FGF14: variants seen among roughly 807,000 people sequenced by gnomAD.
FGF14 encodes the protein fibroblast growth factor 14.
Under a neutral mutation model 25.5 loss-of-function variants are expected in FGF14, and 5 were observed. The observed-to-expected ratio is 0.20, with a 90% CI of 0.10 to 0.41. The LOEUF is 0.41. Among genes scored for constraint, FGF14 ranks in the 10% least tolerant of loss-of-function variants. The probability of loss-of-function intolerance (pLI) is 1.00; values close to 1 mark genes in which losing one functional copy is unlikely to be tolerated. For missense variants in FGF14, 222 were observed against 320.1 expected (o/e 0.69, Z 2.34); for synonymous variants, 138 against 118.3 (o/e 1.17, Z -1.08).
At chr13:101,924,649 A>C (rs955701169) in intron 1 of FGF14, among the ~76,000 whole-genome samples, 1 of 152,226 alleles carries the variant, frequency 6.6e-6, no homozygotes, top group Non-Finnish European at 1.5e-5. Flanking sequence ...TAAAACATCC[A>C]AATAATATGT....
intron 1 of FGF14, among the ~76,000 whole-genome samples, chr13:102,214,878 A>G (rs2050307373): frequency 6.6e-6 from 1 of 152,172 alleles, no homozygotes; most frequent in Admixed American, 6.5e-5. Flanking sequence ...AGGTTGAGAA[A>G]TCTTGTTCTA....
At chr13:102,175,007 T>G (rs2048388118) in intron 1 of FGF14, among the ~76,000 whole-genome samples, 1 of 152,124 alleles carries the variant, frequency 6.6e-6, no homozygotes, top group Non-Finnish European at 1.5e-5. Context: ...GAATCAATAT[T>G]GTTAAAATGT....
chr13:101,811,647 T>C (rs1011141962), intron 3 of FGF14, among the ~76,000 whole-genome samples: 3 of 152,194 alleles, frequency 2.0e-5, no homozygotes, highest in East Asian at 1.9e-4. Flanking sequence ...GATTGCTGGA[T>C]TGATTGTGTG....
chr13:101,930,118 C>CA (rs1202334469), intron 1 of FGF14, among the ~76,000 whole-genome samples: 1 of 152,140 alleles, frequency 6.6e-6, no homozygotes, highest in African/African-American at 2.4e-5. Flanking sequence ...TCTTAAACAT[C>CA]AAATTTTTTC....
intron 1 of FGF14, among the ~76,000 whole-genome samples, chr13:102,216,148 T>C (rs2050361861): frequency 1.3e-5 from 2 of 152,194 alleles, no homozygotes; most frequent in Admixed American, 1.3e-4. Context: ...GGGATGTGAA[T>C]AGAATTTGCA....
At chr13:101,840,860 A>C (rs1210232716) in intron 3 of FGF14, among the ~76,000 whole-genome samples, 2 of 151,990 alleles carry the variant, frequency 1.3e-5, no homozygotes, top group Non-Finnish European at 2.9e-5. Context: ...AACTGAGTTC[A>C]GTAGTTTTAA....
At chr13:102,256,232 G>A (rs764129197) in intron 1 of FGF14, among the ~76,000 whole-genome samples, 2 of 152,090 alleles carry the variant, frequency 1.3e-5, no homozygotes, top group Non-Finnish European at 2.9e-5. Flanking sequence ...TAACATGCCA[G>A]GCATGGTGGT....
chr13:102,393,516 TAAGA>T (rs1190811670), intron 1 of FGF14, among the ~76,000 whole-genome samples: 3 of 152,178 alleles, frequency 2.0e-5, no homozygotes, highest in African/African-American at 7.2e-5. Context: ...AAAAAAGATT[TAAGA>T]AAGATTTTTC....
At chr13:102,003,676 T>G (rs1406861528) in intron 1 of FGF14, among the ~76,000 whole-genome samples, 2 of 151,842 alleles carry the variant, frequency 1.3e-5, no homozygotes, top group Non-Finnish European at 2.9e-5. Context: ...TTTTTTTTTT[T>G]TTTTAATTTG....
intron 1 of FGF14, among the ~76,000 whole-genome samples, chr13:102,144,392 C>T (rs1173450785): frequency 3.9e-5 from 6 of 151,946 alleles, no homozygotes; most frequent in African/African-American, 7.3e-5. Context: ...AATGGAAGTA[C>T]ATAAAAATGA....
Position 102,267,850 on chromosome 13 carries a change from G to A in FGF14, c.208+133621C>T, listed in dbSNP as rs550561680. Among the ~76,000 whole-genome samples the A allele has an allele frequency of 2.0e-5, 3 of 152,116 alleles. No homozygotes were observed. The South Asian group carries it at 6.2e-4, about 32-fold the overall frequency. On this transcript the variant is annotated intron_variant, in intron 1 of 4. Coordinates refer to the FGF14 transcript ENST00000376131. ...TCAAAGCAGACAGAAATTGTATACA[G>A]TTAATCAAAAAATAGTTATTCAAAT...
At chr13:102,036,598 T>C (rs1283289419) in intron 1 of FGF14, among the ~76,000 whole-genome samples, 5 of 152,062 alleles carry the variant, frequency 3.3e-5, no homozygotes, top group African/African-American at 1.2e-4. Flanking sequence ...ACGGTATTTA[T>C]ATGAAATTTC....
At chr13:102,058,388 T>C (rs983325472) in intron 1 of FGF14, among the ~76,000 whole-genome samples, 12 of 152,206 alleles carry the variant, frequency 7.9e-5, no homozygotes, top group African/African-American at 2.9e-4. Flanking sequence ...TTTTATCAGG[T>C]AAGGATCAAA....
intron 1 of FGF14, among the ~76,000 whole-genome samples, chr13:101,930,634 A>G (rs908167444): frequency 1.3e-5 from 2 of 152,188 alleles, no homozygotes; most frequent in Non-Finnish European, 2.9e-5. Context: ...CATTTTCTTC[A>G]CAGACGAAAA....
At chr13:101,946,363 C>CAAAAAAAAAAAAAAAAAAAAA (rs59866034) in intron 1 of FGF14, among the ~76,000 whole-genome samples, 1 of 91,950 alleles carries the variant, frequency 1.1e-5, no homozygotes, top group African/African-American at 3.6e-5. Context: ...GCTTCTCCAT[C>CAAAAAAAAAAAAAAAAAAAAA]AAAAAAAAAA....
chr13:102,048,353 G>A (rs1038066825), intron 1 of FGF14, among the ~76,000 whole-genome samples: 1 of 152,184 alleles, frequency 6.6e-6, no homozygotes, highest in Non-Finnish European at 1.5e-5. Flanking sequence ...TGGGATAATG[G>A]ACACATGAAG....
At chr13:102,314,600 C>G (rs1483531788) in intron 1 of FGF14, among the ~76,000 whole-genome samples, 1 of 152,152 alleles carries the variant, frequency 6.6e-6, no homozygotes, top group Non-Finnish European at 1.5e-5. Context: ...CACAGAAACT[C>G]ACAATTATTC....
chr13:101,834,441 C>T (rs760874154), intron 3 of FGF14, among the ~76,000 whole-genome samples: 24 of 152,052 alleles, frequency 1.6e-4, no homozygotes, highest in African/African-American at 5.3e-4. Context: ...GAAAAAGATA[C>T]AAGCTTTTAC....
chr13:101,805,246 G>C (rs1388196034), intron 3 of FGF14, among the ~76,000 whole-genome samples: 1 of 152,078 alleles, frequency 6.6e-6, no homozygotes, highest in Non-Finnish European at 1.5e-5. Flanking sequence ...TTGTTGAGAA[G>C]ATCTTGAAAA....
Sources: allele counts gnomAD v4.1 joint callset (sites outside exome capture counted in the v4.1 genomes callset), GRCh38; gene constraint gnomAD v4.1.1; transcripts MANE v1.5; gene names NCBI Gene and HGNC (gene_info 2026-07-23, HGNC 2026-07-21).